Variants in OBSL1 observed in about 807,000 individuals in gnomAD.
OBSL1 encodes obscurin-like protein 1.
A neutral mutation model predicts 172.0 loss-of-function variants in OBSL1; 160 were observed. That is an observed-to-expected ratio of 0.93 (90% CI 0.82 to 1.06). OBSL1 has a LOEUF of 1.06. Among genes scored for constraint, OBSL1 ranks in the 50% least tolerant of loss-of-function variants. The pLI, the probability that OBSL1 is intolerant of heterozygous loss-of-function variation, is 0.00. For synonymous variants in OBSL1, 1,200 were observed against 1,196.3 expected, an observed-to-expected ratio of 1.00 and a Z score of -0.06; for missense variants, 2,681 against 2,715.4, an observed-to-expected ratio of 0.99 and a Z score of 0.28.
At chr2:219,548,191 T>A, downstream of OBSL1, 1 of 1,039,062 alleles carries the variant, frequency 9.6e-7, no homozygotes, top group Non-Finnish European at 1.4e-6. Flanking sequence ...TCGATGGCGG[T>A]AGAGAGCTGA....
intron 8 of OBSL1, chr2:219,561,822 CA>C: frequency 4.2e-6 from 3 of 714,258 alleles, no homozygotes; most frequent in Middle Eastern, 2.4e-4. Context: ...TGGGGAGAGG[CA>C]AAAAGCAATG....
At chr2:219,554,443 A>G (rs752292436) in intron 15 of OBSL1, 31 bp downstream of exon 15, 8 of 1,608,852 alleles carry the variant, frequency 5.0e-6, no homozygotes, top group Non-Finnish European at 6.8e-6. Flanking sequence ...CACACAGGTC[A>G]GCAGGCAGGC....
chr2:219,568,132 A>G lies in OBSL1; in HGVS notation c.1205T>C (p.Leu402Pro). 1 of 1,613,806 alleles carries G rather than the reference A, an allele frequency of 6.2e-7. No individual in the cohort carries two copies. The highest frequency in any genetic ancestry group is 1.1e-5 in the South Asian group (1 of 91,080). ...GTAGATACCATCATCGTCTGCCTTC[A>G]GCCTGTGGATGATGAGGCGCCGGAC... ...GTVRRLIIHR[L>P]KADDDGIYLC... Residue 402 changes from leucine (L) to proline (P), a missense_variant, in exon 2 of 21, where the codon CTG becomes CCG. Coordinates refer to ENST00000404537, the MANE Select transcript of OBSL1 (RefSeq NM_015311.3). The surrounding 1 kb of genome is among the most constrained non-coding windows in gnomAD (Gnocchi z 4.1).
downstream of OBSL1, chr2:219,550,223 A>C: frequency 9.5e-6 from 2 of 211,342 alleles, no homozygotes; most frequent in South Asian, 2.5e-4. Flanking sequence ...CCACCTCTTC[A>C]CTCCCTGCCA....
chr2:219,556,820 T>C, intron 12 of OBSL1, 97 bp from the exon 13 acceptor site: 1 of 1,331,678 alleles, frequency 7.5e-7, no homozygotes, highest in Non-Finnish European at 1.0e-6. Flanking sequence ...CCCAGTCATT[T>C]AACAGACCTT....
At chr2:219,566,018 C>T (rs1024203178) in intron 5 of OBSL1, among the ~76,000 whole-genome samples, 1 of 152,210 alleles carries the variant, frequency 6.6e-6, no homozygotes, top group African/African-American at 2.4e-5. Flanking sequence ...CCTCCTTCCC[C>T]CTTTCAACAG....
rs1245452384 is a variant in OBSL1, at chr2:219,567,055, G to A, written c.1909C>T (p.Leu637Phe). The stretch of plus-strand genomic sequence containing the variant: ...CCCTGGATGATGGTGGAGAGATCGA[G>A]GGAGAAGACGGCATCTTCCCCGTCG... ...VYDGEDAVFS[L>F]DLSTIIQGTW... Residue 637 changes from leucine (L) to phenylalanine (F), a missense_variant, in exon 5 of 21, where the codon CTC (leucine) becomes TTC (phenylalanine). Leu to Phe is a conservative substitution (Grantham distance 22, BLOSUM62 0). Coordinates refer to ENST00000404537, the MANE Select transcript of OBSL1 (RefSeq NM_015311.3). The A allele has an allele frequency of 6.2e-7, 1 of 1,613,258 alleles. No homozygotes were observed. The highest frequency in any genetic ancestry group is 2.2e-5 in the East Asian group (1 of 44,878).
At chr2:219,550,930 A>G (rs1695570366) in intron 20 of OBSL1, 88 bp from the exon 21 acceptor site, 1 of 1,561,544 alleles carries the variant, frequency 6.4e-7, no homozygotes, top group Non-Finnish European at 8.7e-7. Context: ...CCAGTACACA[A>G]AGAGCTGGGC....
rs1696296405 is a variant in OBSL1 at position 219,559,411 on chromosome 2, A to G, written c.3040T>C (p.Ser1014Pro). ...LECVVLMCEL[S>P]REDAPVRWYK... ...CAGCGCACAGGGGCATCCTCCCGAGACAGTTCACACATCAGCACCACACAC... is the reference window on the plus strand; with the variant it reads ...CAGCGCACAGGGGCATCCTCCCGAGGCAGTTCACACATCAGCACCACACAC... Residue 1014 changes from serine (S) to proline (P), a missense_variant, in exon 9 of 21, where the codon TCT becomes CCT. Physicochemically the swap from Ser to Pro is moderately conservative, Grantham distance 74. Transcript: ENST00000404537. The G allele has an allele frequency of 1.9e-6, 3 of 1,613,730 alleles. No individual in the cohort carries two copies. The highest frequency in any genetic ancestry group is 2.5e-6 in the Non-Finnish European group (3 of 1,179,872).
chr2:219,559,319 G>A lies in OBSL1; in HGVS notation c.3132C>T (p.Cys1044=). Residue 1044 remains cysteine, a synonymous_variant, in exon 9 of 21, where the codon TGC becomes TGT. Transcript: ENST00000404537. ...ALVLERDGPR[C]RLVLPAAQPE... ...GCTGAGCAGCAGGTAGCACCAGGCGGCAGCGTGGCCCATCCCTCTCCAGCA... is the reference window on the plus strand; with the variant it reads ...GCTGAGCAGCAGGTAGCACCAGGCGACAGCGTGGCCCATCCCTCTCCAGCA... 1 of 1,613,928 alleles carries A rather than the reference G, an allele frequency of 6.2e-7. No individual in the cohort carries two copies. Among genetic ancestry groups the A allele is most frequent in the Non-Finnish European group, 8.5e-7 (1 of 1,179,858 alleles).
In OBSL1 at chr2:219,552,726, G is replaced by A. The variant is rs1160693535; in HGVS notation, c.5147-29C>T. The A allele has an allele frequency of 1.2e-5, 18 of 1,515,834 alleles. No individual in the cohort carries two copies. The Admixed American group carries it at 3.4e-4, about 28-fold the overall frequency. 93.9% of individuals were successfully genotyped at this position (1,515,834 alleles called of 1,614,324 possible). On this transcript the variant is annotated intron_variant, in intron 17 of 20. Coordinates refer to ENST00000404537, the MANE Select transcript of OBSL1 (RefSeq NM_015311.3). ...GGGCGGAGCCCGGGGCGTGAGCGGG[G>A]CGGGGCAGAGGGCAGTTACCGGTCA...
At chr2:219,560,614 G>A (rs1301095774) in intron 8 of OBSL1, among the ~76,000 whole-genome samples, 1 of 152,152 alleles carries the variant, frequency 6.6e-6, no homozygotes, top group East Asian at 1.9e-4. Context: ...CAGGGTTGGG[G>A]GGGTGGGGGC....
Position 219,567,288 on chromosome 2 carries a change from C to T in OBSL1, c.1822G>A (p.Gly608Ser), listed in dbSNP as rs1696976720. The change falls in exon 4 of 21, where the codon GGT becomes AGT. Residue 608 changes from glycine (G) to serine (S), a missense_variant. Transcript: ENST00000404537. ...HGRSPHVVFH[G>S]SAHLVPTARL... is the part of the protein sequence containing the mutation. Reference sequence around the variant, plus strand: ...ACCAACTCACCAAGGTGAGCAGAACCGTGGAACACCACGTGGGGACTACGG... The same window carrying T: ...ACCAACTCACCAAGGTGAGCAGAACTGTGGAACACCACGTGGGGACTACGG... The T allele has an allele frequency of 3.8e-6, 6 of 1,596,726 alleles. No individual in the cohort carries two copies. The highest frequency in any genetic ancestry group is 1.7e-5 in the Admixed American group (1 of 59,444).
Position 219,565,762 on chromosome 2 carries a change from T to C in OBSL1, c.2135-248A>G, listed in dbSNP as rs1459496009. On this transcript the variant is annotated intron_variant, in intron 5 of 20. Transcript: ENST00000404537. The stretch of plus-strand genomic sequence containing the variant: ...CTGCATTATAAACCAGCCCTCCAGG[T>C]GGTTCTGATGTCAGTGAACTGGGAT... Among the ~76,000 whole-genome samples, 3 of 152,140 alleles carry C rather than the reference T, an allele frequency of 2.0e-5. No homozygotes were observed. In the East Asian group the frequency reaches 5.8e-4, roughly 29 times the overall value.
At chr2:219,550,139 G>A (rs1695527060), downstream of OBSL1, 3 of 357,024 alleles carry the variant, frequency 8.4e-6, no homozygotes, top group East Asian at 1.4e-4. Context: ...GTGTGTGGGG[G>A]TGGGCAGGCT....
rs1040213905 is a variant in OBSL1, at chr2:219,552,526, G to A, written c.5308+10C>T. On this transcript the variant is annotated intron_variant, in intron 18 of 20. Transcript: ENST00000404537. The stretch of plus-strand genomic sequence containing the variant: ...GCGAGGGGCCCGAAAGGGTAACCAG[G>A]CGGGCAGACCTTCCTGTCGGATGCG... 1.3e-6 allele frequency: 2 copies of A among 1,593,608 alleles called. 1 individual carries two copies.
Position 219,570,534 on chromosome 2 carries a change from C to A in OBSL1, c.699G>T (p.Pro233=). The change falls in exon 1 of 21, where the codon CCG becomes CCT. Residue 233 remains proline, a synonymous_variant. Coordinates refer to ENST00000404537, the MANE Select transcript of OBSL1 (RefSeq NM_015311.3). The part of the protein sequence containing the change: ...LLQVHQPPES[P]PADPDEAPAP... ...CGGGGGCCTCGTCGGGGTCCGCGGG[C>A]GGGCTCTCGGGGGGCTGGTGCACCT... The A allele has an allele frequency of 1.2e-6, 2 of 1,607,294 alleles. No homozygotes were observed. The highest frequency in any genetic ancestry group is 8.5e-7 in the Non-Finnish European group (1 of 1,177,542).
downstream of OBSL1, chr2:219,550,536 C>G (rs543237211): frequency 2.7e-5 from 12 of 444,856 alleles, 1 homozygote; most frequent in South Asian, 3.4e-4. Context: ...CTGTCTCCCC[C>G]ACCCCACTCT....
chr2:219,570,990 G>A lies in OBSL1; in HGVS notation c.243C>T (p.Val81=). ...CCGCGTTGCGGGCGCGGCACACGTA[G>A]ACCCCCGCGTCGGTGGGCAGTGCGG... ...LTAALPTDAG[V]YVCRARNAAG... is the part of the protein sequence containing the mutation. The change falls in exon 1 of 21, where the codon GTC becomes GTT. Residue 81 remains valine, a synonymous_variant. Coordinates refer to ENST00000404537, the MANE Select transcript of OBSL1 (RefSeq NM_015311.3). 1 of 1,374,606 alleles carries A rather than the reference G, an allele frequency of 7.3e-7. No homozygotes were observed. Among genetic ancestry groups the A allele is most frequent in the Non-Finnish European group, 9.4e-7 (1 of 1,065,226 alleles). 85.2% of individuals were successfully genotyped at this position (1,374,606 alleles called of 1,614,324 possible).
Sources: allele counts gnomAD v4.1 joint callset (sites outside exome capture counted in the v4.1 genomes callset), GRCh38; gene constraint gnomAD v4.1.1; non-coding constraint Gnocchi (gnomAD v3.1); transcripts MANE v1.5; gene names NCBI Gene and HGNC (gene_info 2026-07-23, HGNC 2026-07-21).